Variants in LNX1 observed in about 807,000 individuals in gnomAD.
LNX1 encodes the protein E3 ubiquitin-protein ligase LNX.
LNX1 carries 54 observed loss-of-function variants against 68.4 expected under a neutral mutation model. The observed-to-expected ratio is 0.79, with a 90% CI of 0.63 to 0.99. LNX1 has a LOEUF of 0.99. Ranked by LOEUF, LNX1 falls within the 50% of genes least tolerant of loss-of-function variation. The probability of loss-of-function intolerance (pLI) is 0.00; values close to 1 mark genes in which losing one functional copy is unlikely to be tolerated. For synonymous variants in LNX1, 336 were observed against 350.0 expected, an observed-to-expected ratio of 0.96 and a Z score of 0.45; for missense variants, 906 against 926.4, an observed-to-expected ratio of 0.98 and a Z score of 0.29.
At position 53,589,289 on chromosome 4, in the gene LNX1, G is replaced by A. The variant is rs145391591; in HGVS notation, c.-87+2099C>T. Reference sequence around the variant, plus strand: ...TAAAAGCTTTGCCTGTGAGGCTAGCGGAGACAAATCTGCCCACCTTGTTTG... The same window carrying A: ...TAAAAGCTTTGCCTGTGAGGCTAGCAGAGACAAATCTGCCCACCTTGTTTG... On this transcript the variant is annotated intron_variant, in intron 1 of 10. Coordinates refer to ENST00000263925, the MANE Select transcript of LNX1 (RefSeq NM_001126328.3). Among the ~76,000 whole-genome samples, 650 of 152,292 alleles carry A rather than the reference G, an allele frequency of 4.3e-3. 5 individuals are homozygous for A. The highest frequency in any genetic ancestry group is 0.011 in the African/African-American group (467 of 41,560).
Position 53,532,332 on chromosome 4 carries a change from C to T in LNX1, c.381-24105G>A, listed in dbSNP as rs567728970. Reference sequence around the variant, plus strand: ...CTCTACTAAAAATACAAAAATTAGCCGGGCGTGTTGGCACGCACTGTAGCC... The same window carrying T: ...CTCTACTAAAAATACAAAAATTAGCTGGGCGTGTTGGCACGCACTGTAGCC... On this transcript the variant is annotated intron_variant, in intron 2 of 10. Coordinates refer to ENST00000263925, the MANE Select transcript of LNX1 (RefSeq NM_001126328.3). Among the ~76,000 whole-genome samples, 24 of 152,074 alleles carry T rather than the reference C, an allele frequency of 1.6e-4. No homozygotes were observed. In the South Asian group the frequency reaches 3.3e-3, roughly 21 times the overall value.
chr4:53,637,954 TCCC>T (rs2109880869), intron 1 of LNX1, among the ~76,000 whole-genome samples: 2 of 152,294 alleles, frequency 1.3e-5, no homozygotes, highest in African/African-American at 4.8e-5. Context: ...GAGAGAAGGC[TCCC>T]ACTGTGTATT....
At chr4:53,524,386 A>C (rs531856242) in intron 2 of LNX1, 2 of 152,314 alleles carry the variant, frequency 1.3e-5, no homozygotes, top group Admixed American at 6.5e-5. Flanking sequence ...ACCATTTCAC[A>C]CATAGCATCT....
intron 1 of LNX1, among the ~76,000 whole-genome samples, chr4:53,631,878 C>G (rs768052554): frequency 1.3e-5 from 2 of 151,240 alleles, no homozygotes; most frequent in African/African-American, 2.4e-5. Flanking sequence ...TTTTTAAGTC[C>G]TTGAGAATCC....
intron 2 of LNX1, among the ~76,000 whole-genome samples, chr4:53,558,754 G>T (rs998419002): frequency 5.9e-5 from 9 of 152,192 alleles, no homozygotes; most frequent in Non-Finnish European, 1.0e-4. Context: ...TCCCTGGGGG[G>T]AATGAATTGA....
intron 2 of LNX1, among the ~76,000 whole-genome samples, chr4:53,545,400 A>G (rs990886791): frequency 2.6e-5 from 4 of 152,228 alleles, no homozygotes; most frequent in African/African-American, 9.6e-5. Flanking sequence ...AACACATCCA[A>G]GCAAATCCAT....
At chr4:53,624,316 G>T (rs929110980) in intron 1 of LNX1, among the ~76,000 whole-genome samples, 14 of 152,100 alleles carry the variant, frequency 9.2e-5, no homozygotes, top group Non-Finnish European at 1.5e-4. Context: ...ATTGGATCAT[G>T]GGGGCAATTT....
At chr4:53,597,212 A>C (rs757798870) in intron 2 of LNX1, among the ~76,000 whole-genome samples, 95 of 152,194 alleles carry the variant, frequency 6.2e-4, no homozygotes, top group Non-Finnish European at 1.2e-3. Flanking sequence ...TTGGCAAACT[A>C]TCAATTGATA....
intron 1 of LNX1, among the ~76,000 whole-genome samples, chr4:53,629,527 G>C (rs1190880908): frequency 6.6e-6 from 1 of 152,228 alleles, no homozygotes; most frequent in Non-Finnish European, 1.5e-5. Flanking sequence ...AAAAGATGCA[G>C]TCTGCCTTCC....
intron 2 of LNX1, among the ~76,000 whole-genome samples, chr4:53,512,625 C>A (rs1726437951): frequency 6.6e-6 from 1 of 152,104 alleles, no homozygotes; most frequent in Non-Finnish European, 1.5e-5. Flanking sequence ...AACTGTATTT[C>A]TTTCACCCAT....
At chr4:53,540,131 C>T (rs1728646830) in intron 2 of LNX1, among the ~76,000 whole-genome samples, 1 of 152,166 alleles carries the variant, frequency 6.6e-6, no homozygotes, top group Admixed American at 6.5e-5. Context: ...TCTGTAATCC[C>T]AGCACTTTGA....
In LNX1 at chr4:53,498,674, G is replaced by A. The variant is rs372851227; in HGVS notation, c.945C>T (p.Asp315=). Residue 315 remains aspartate, a synonymous_variant, in exon 5 of 11, where the codon GAC becomes GAT. Coordinates refer to ENST00000263925, the MANE Select transcript of LNX1 (RefSeq NM_001126328.3). ...TGATGTCTCCTGGCAGTAGCCGGCC[G>A]TCTCTGGCGATCACCCCATCACGAT... ...HIYRDGVIAR[D]GRLLPGDIIL... is the part of the protein sequence containing the mutation. 106 of 1,613,932 alleles carry A rather than the reference G, an allele frequency of 6.6e-5. No homozygotes were observed. The highest frequency in any genetic ancestry group is 8.9e-5 in the East Asian group (4 of 44,892).
At chr4:53,587,626 G>C (rs1178695123) in intron 1 of LNX1, among the ~76,000 whole-genome samples, 5 of 152,100 alleles carry the variant, frequency 3.3e-5, no homozygotes, top group Non-Finnish European at 5.9e-5. Context: ...GGCATTTCGA[G>C]TAGTCAAGAT....
intron 2 of LNX1, chr4:53,558,218 A>G: frequency 7.9e-7 from 1 of 1,267,258 alleles, no homozygotes; most frequent in Non-Finnish European, 1.0e-6. Flanking sequence ...GCTTAGGCTG[A>G]GAGCAGGCAA....
At chr4:53,495,296 A>G (rs1423598766) in intron 6 of LNX1, among the ~76,000 whole-genome samples, 1 of 152,222 alleles carries the variant, frequency 6.6e-6, no homozygotes, top group Non-Finnish European at 1.5e-5. Context: ...AAATTTCAAC[A>G]GTGACCCTGA....
intron 2 of LNX1, among the ~76,000 whole-genome samples, chr4:53,604,675 C>A (rs1277498569): frequency 1.3e-5 from 2 of 152,142 alleles, no homozygotes; most frequent in African/African-American, 4.8e-5. Flanking sequence ...TTCTTGCAAC[C>A]AAAAATGAAT....
rs528030704 is a variant in LNX1 at position 53,558,146 on chromosome 4, G to C, written c.380+15477C>G. On this transcript the variant is annotated intron_variant, in intron 2 of 10. Coordinates refer to ENST00000263925, the MANE Select transcript of LNX1 (RefSeq NM_001126328.3). ...AATCACGGGCCCGTAAGAAGATTAT[G>C]CTCTCTGATTCTCAGATGAGAGGAT... 7.1e-5 allele frequency: 100 copies of C among 1,404,558 alleles called. No homozygotes were observed. The African/African-American group carries it at 1.1e-3, about 16-fold the overall frequency. The allele number at this position is 1,404,558 out of a possible 1,614,324, so 87.0% of individuals were successfully genotyped here.
intron 1 of LNX1, among the ~76,000 whole-genome samples, chr4:53,624,469 A>C (rs371969478): frequency 2.0e-5 from 3 of 152,190 alleles, no homozygotes; most frequent in Non-Finnish European, 2.9e-5. Flanking sequence ...CATGATTGTG[A>C]GTCCTCCCCA....
intron 2 of LNX1, among the ~76,000 whole-genome samples, chr4:53,535,836 A>G (rs1728335031): frequency 6.6e-6 from 1 of 152,202 alleles, no homozygotes. Flanking sequence ...GTTCATGAGC[A>G]TGTCGGGCTG....
Sources: gnomAD v4.1 joint callset for allele counts (sites outside exome capture counted in the v4.1 genomes callset) on GRCh38, gnomAD v4.1.1 for gene constraint, MANE v1.5 for transcripts, NCBI Gene and HGNC (gene_info 2026-07-23, HGNC 2026-07-21) for gene names.